Variants in CDC42BPB observed in about 807,000 individuals in gnomAD.
The protein encoded by CDC42BPB is serine/threonine-protein kinase MRCK beta.
In CDC42BPB, 37 loss-of-function variants were observed where a neutral mutation model predicts 214.9. The ratio of observed to expected loss-of-function variants is 0.17; its 90% CI spans 0.13 to 0.23. The LOEUF (loss-of-function observed/expected upper bound fraction) is 0.23, where lower values mean the gene tolerates loss of function less well. Ranked by LOEUF, CDC42BPB falls within the 10% of genes least tolerant of loss-of-function variation. The pLI is 1.00. For synonymous variants in CDC42BPB, 931 were observed against 884.0 expected (o/e 1.05, Z -0.94); for missense variants, 1,694 against 2,227.0 (o/e 0.76, Z 4.82).
At chr14:103,022,600 C>G (rs971740366) in intron 1 of CDC42BPB, among the ~76,000 whole-genome samples, 1 of 152,150 alleles carries the variant, frequency 6.6e-6, no homozygotes, top group African/African-American at 2.4e-5. Context: ...TTGGCATAGA[C>G]GGAAAGCTGG....
At chr14:102,963,588 G>T (rs34797001) in intron 19 of CDC42BPB, among the ~76,000 whole-genome samples, 6,669 of 152,262 alleles carry the variant, frequency 0.044, 484 homozygotes, top group African/African-American at 0.15. Flanking sequence ...TCGTGCAGGG[G>T]ACAGAGGAAG....
At chr14:102,953,375 GC>G (rs1456191533) in intron 23 of CDC42BPB, among the ~76,000 whole-genome samples, 2 of 152,248 alleles carry the variant, frequency 1.3e-5, no homozygotes, top group Non-Finnish European at 2.9e-5. Context: ...CTGCAGAGTT[GC>G]TATCAAATAT....
chr14:102,976,232 A>C, intron 9 of CDC42BPB, 183 bp from the exon 10 acceptor site: 1 of 985,204 alleles, frequency 1.0e-6, no homozygotes. Flanking sequence ...GGAGACACTG[A>C]CAAGGGCCCT....
intron 18 of CDC42BPB, 57 bp from the exon 19 acceptor site, chr14:102,964,707 A>T: frequency 1.3e-6 from 2 of 1,516,496 alleles, no homozygotes; most frequent in Non-Finnish European, 1.8e-6. Context: ...TTGTTAAACT[A>T]ATGTTAACAA....
intron 11 of CDC42BPB, among the ~76,000 whole-genome samples, chr14:102,975,063 C>T (rs1362872735): frequency 1.3e-5 from 2 of 152,236 alleles, no homozygotes; most frequent in Non-Finnish European, 2.9e-5. Context: ...CACCAAGGAG[C>T]AGGCAGAGTC....
chr14:103,024,158 C>T (rs1297170873), intron 1 of CDC42BPB, among the ~76,000 whole-genome samples: 1 of 152,234 alleles, frequency 6.6e-6, no homozygotes, highest in Non-Finnish European at 1.5e-5. Flanking sequence ...GGAAGGACGA[C>T]GTGACAGCCA....
intron 1 of CDC42BPB, among the ~76,000 whole-genome samples, chr14:103,054,795 C>T (rs1888849625): frequency 6.6e-6 from 1 of 152,224 alleles, no homozygotes; most frequent in African/African-American, 2.4e-5. Context: ...CAGAATACAA[C>T]TTTGAAAATA....
At chr14:102,938,239 C>A (rs1371144477) in intron 35 of CDC42BPB, 65 bp from the exon 36 acceptor site, 9 of 1,601,300 alleles carry the variant, frequency 5.6e-6, no homozygotes, top group Non-Finnish European at 7.7e-6. Flanking sequence ...TGCCTGGGGT[C>A]TCCCCATTCC....
At chr14:102,966,667 T>C (rs1893218363) in intron 17 of CDC42BPB, 1 of 279,974 alleles carries the variant, frequency 3.6e-6, no homozygotes, top group Non-Finnish European at 5.4e-6. Flanking sequence ...CCCACAAAAA[T>C]TAAAAATAAA....
At chr14:103,048,271 C>T (rs999045905) in intron 1 of CDC42BPB, among the ~76,000 whole-genome samples, 58 of 151,930 alleles carry the variant, frequency 3.8e-4, no homozygotes, top group Admixed American at 2.8e-3. Flanking sequence ...CGGCCGGGAG[C>T]GGTGGCTCAC....
At chr14:102,999,895 C>T (rs1441774524) in intron 4 of CDC42BPB, 182 bp from the exon 5 acceptor site, 8 of 985,338 alleles carry the variant, frequency 8.1e-6, no homozygotes, top group African/African-American at 1.7e-5. Context: ...GTCCACGACG[C>T]CGCCATCTTC....
At chr14:103,047,474 G>A (rs1283394260) in intron 1 of CDC42BPB, among the ~76,000 whole-genome samples, 12 of 152,152 alleles carry the variant, frequency 7.9e-5, no homozygotes, top group East Asian at 7.7e-4. Context: ...GGAAACCATC[G>A]TGGTCTCCGA....
chr14:103,052,722 C>T (rs1177978350), intron 1 of CDC42BPB, among the ~76,000 whole-genome samples: 2 of 152,142 alleles, frequency 1.3e-5, no homozygotes, highest in East Asian at 1.9e-4. Context: ...ACCCACGGTC[C>T]GCCTCTGTGA....
intron 7 of CDC42BPB, among the ~76,000 whole-genome samples, chr14:102,982,894 A>G (rs1388458457): frequency 6.6e-6 from 1 of 152,232 alleles, no homozygotes. Flanking sequence ...AGAAAGACAC[A>G]TGACTAAGGA....
chr14:103,015,351 G>A (rs1022456154), intron 1 of CDC42BPB, among the ~76,000 whole-genome samples: 8 of 152,178 alleles, frequency 5.3e-5, no homozygotes, highest in African/African-American at 1.7e-4. Flanking sequence ...GCTGGGCATG[G>A]TGACACGCGG....
intron 16 of CDC42BPB, 116 bp from the exon 17 acceptor site, chr14:102,967,286 A>G: frequency 7.0e-7 from 1 of 1,426,952 alleles, no homozygotes; most frequent in Non-Finnish European, 9.2e-7. Flanking sequence ...TCGTCATGAG[A>G]TTTTTCCAAA....
At position 103,057,220 on chromosome 14, in the gene CDC42BPB, T is replaced by A. The variant is rs970341576; in HGVS notation, c.-47A>T. On this transcript the variant is annotated 5_prime_UTR_variant, in exon 1 of 37. Transcript: ENST00000361246. ...GACGCGCCGGCCTCTCACCGCCGGC[T>A]CGGCCAGTCCGTCAGGGCGCGCCCT... The A allele has an allele frequency of 3.1e-6, 4 of 1,289,668 alleles. No individual in the cohort carries two copies. The highest frequency in any genetic ancestry group is 3.9e-6 in the Non-Finnish European group (4 of 1,015,020). The allele number at this position is 1,289,668 out of a possible 1,614,324, so 79.9% of individuals were successfully genotyped here.
intron 36 of CDC42BPB, chr14:102,937,028 AAAAAC>A (rs1292050181): frequency 1.3e-5 from 2 of 152,228 alleles, no homozygotes; most frequent in Non-Finnish European, 2.9e-5. Context: ...TGAAAATAAA[AAAAAC>A]AAAAAAATTG....
intron 1 of CDC42BPB, among the ~76,000 whole-genome samples, chr14:103,029,815 C>G (rs1188758467): frequency 7.3e-6 from 1 of 136,870 alleles, no homozygotes; most frequent in African/African-American, 2.8e-5. Context: ...GCCGAGATCG[C>G]GCCACTGCAC....
Sources: allele counts gnomAD v4.1 joint callset (sites outside exome capture counted in the v4.1 genomes callset), GRCh38; gene constraint gnomAD v4.1.1; transcripts MANE v1.5; gene names NCBI Gene and HGNC (gene_info 2026-07-23, HGNC 2026-07-21).